Variants in PAX7 observed in about 807,000 individuals in gnomAD.
PAX7 encodes paired box protein Pax-7.
A neutral mutation model predicts 50.7 loss-of-function variants in PAX7; 18 were observed. The ratio of observed to expected loss-of-function variants is 0.36; its 90% CI spans 0.25 to 0.53. The LOEUF (loss-of-function observed/expected upper bound fraction) is 0.53. Among genes scored for constraint, PAX7 ranks in the 20% least tolerant of loss-of-function variants. The probability of loss-of-function intolerance (pLI) is 0.93; values close to 1 mark genes in which losing one functional copy is unlikely to be tolerated. For synonymous variants in PAX7, 310 were observed against 290.4 expected (o/e 1.07, Z -0.69); for missense variants, 644 against 702.9 (o/e 0.92, Z 0.95).
chr1:18,717,155 A>T (rs1023583835), intron 7 of PAX7, among the ~76,000 whole-genome samples: 1 of 152,114 alleles, frequency 6.6e-6, no homozygotes, highest in African/African-American at 2.4e-5. Context: ...TGTCTCCCCG[A>T]GATAAGGACG....
At chr1:18,672,792 G>C (rs969130044) in intron 4 of PAX7, among the ~76,000 whole-genome samples, 4 of 152,036 alleles carry the variant, frequency 2.6e-5, no homozygotes, top group East Asian at 1.9e-4. Flanking sequence ...TTTTGGTAGA[G>C]AGGGGGGTTT....
intron 7 of PAX7, among the ~76,000 whole-genome samples, chr1:18,725,317 C>CTA (rs148441208): frequency 5.1e-5 from 7 of 138,478 alleles, no homozygotes; most frequent in African/African-American, 1.6e-4. Flanking sequence ...CCCCCCGCCC[C>CTA]ACCAACACCG....
At chr1:18,731,380 T>C (rs1388088471) in intron 7 of PAX7, among the ~76,000 whole-genome samples, 2 of 152,138 alleles carry the variant, frequency 1.3e-5, no homozygotes, top group Non-Finnish European at 2.9e-5. Flanking sequence ...GCACAGCTGG[T>C]GGCAGGGAAA....
Position 18,703,140 on chromosome 1 carries a change from C to A in PAX7, c.999C>A (p.Thr333=). Residue 333 remains threonine, a synonymous_variant, in exon 7 of 9, where the codon ACC becomes ACA. Transcript: ENST00000420770. ...GGCCTCAGCCCCTGCCACCGTCCAC[C>A]ATGCACCAGGGCGGGCTGGCTGCAG... The part of the protein sequence containing the change: ...VHRPQPLPPS[T]MHQGGLAAAA... 1 of 1,614,058 alleles carries A rather than the reference C, an allele frequency of 6.2e-7. No individual in the cohort carries two copies. The highest frequency in any genetic ancestry group is 1.1e-5 in the South Asian group (1 of 91,072).
Position 18,634,578 on chromosome 1 carries a change from ATAGTCG to A in PAX7, c.321+41_321+46del, listed in dbSNP as rs762129364. ...CACAGAGGCTGGCAGCTGGCTTCCT[ATAGTCG>A]GGGGCTCCTGGTTGTGGCCCCTCTT... is the stretch of plus-strand genomic sequence containing the variant. On this transcript the variant is annotated intron_variant, in intron 2 of 8. Transcript: ENST00000420770. The surrounding 1 kb of genome is among the most constrained non-coding windows in gnomAD (Gnocchi z 4.0). 29 of 1,570,546 alleles carry A rather than the reference ATAGTCG, an allele frequency of 1.8e-5. No homozygotes were observed. Among genetic ancestry groups the A allele is most frequent in the Admixed American group, 1.2e-4 (7 of 59,564 alleles).
chr1:18,631,928 T>C (rs1446274955), intron 1 of PAX7, among the ~76,000 whole-genome samples: 2 of 152,192 alleles, frequency 1.3e-5, no homozygotes, highest in Non-Finnish European at 2.9e-5. Flanking sequence ...TGCCGGTCTT[T>C]ACCCGCAGGG....
At position 18,700,294 on chromosome 1, in the gene PAX7, C is replaced by T. The variant is rs2100319861; in HGVS notation, c.787-359C>T. Among the ~76,000 whole-genome samples the T allele has an allele frequency of 6.6e-6, 1 of 152,180 alleles. No individual in the cohort carries two copies. The highest frequency in any genetic ancestry group is 1.9e-4 in the East Asian group (1 of 5,178). On this transcript the variant is annotated intron_variant, in intron 5 of 8. Coordinates refer to ENST00000420770, the MANE Select transcript of PAX7 (RefSeq NM_001135254.2). This position sits in a 1 kb window ranked among gnomAD's most constrained non-coding sequence, Gnocchi z 4.8. ...GGTGGTCAAGCAGGGCACCAGCATCCCTCCAGGAAGGAGCAGCTGCAGAGG... is the reference window on the plus strand; with the variant it reads ...GGTGGTCAAGCAGGGCACCAGCATCTCTCCAGGAAGGAGCAGCTGCAGAGG...
intron 7 of PAX7, among the ~76,000 whole-genome samples, chr1:18,707,589 A>AT (rs2089300910): frequency 6.6e-6 from 1 of 151,284 alleles, no homozygotes; most frequent in East Asian, 1.9e-4. Context: ...TGCCCAGCTA[A>AT]TTTTTTTGTA....
chr1:18,744,652 G>C, intron 8 of PAX7, among the ~76,000 whole-genome samples, 162 bp from the exon 9 acceptor site: 1 of 135,670 alleles, frequency 7.4e-6, no homozygotes, highest in African/African-American at 2.8e-5. Context: ...TGGATGAGTA[G>C]ACAGGACGGA....
rs963618618 is a variant in PAX7, at chr1:18,683,933, G to A, written c.587-7821G>A. Among the ~76,000 whole-genome samples the A allele has an allele frequency of 4.6e-5, 7 of 152,202 alleles. No individual in the cohort carries two copies. The East Asian group carries it at 9.6e-4, about 21-fold the overall frequency. On this transcript the variant is annotated intron_variant, in intron 4 of 8. Transcript: ENST00000420770. Reference sequence around the variant, plus strand: ...GATGACAAAACAGAATACATAGCACGTCTGTGATTGTGCTGAGGGAGGGTC... The same window carrying A: ...GATGACAAAACAGAATACATAGCACATCTGTGATTGTGCTGAGGGAGGGTC...
At chr1:18,679,188 A>C (rs1323969859) in intron 4 of PAX7, among the ~76,000 whole-genome samples, 1 of 152,164 alleles carries the variant, frequency 6.6e-6, no homozygotes, top group Non-Finnish European at 1.5e-5. Flanking sequence ...AGTGAGCCCC[A>C]GGTTTAAGTC....
At chr1:18,659,127 A>C (rs989230025) in intron 4 of PAX7, among the ~76,000 whole-genome samples, 1 of 152,154 alleles carries the variant, frequency 6.6e-6, no homozygotes, top group Admixed American at 6.5e-5. Context: ...CTGTGTGTGT[A>C]CTGCAGATTC....
intron 4 of PAX7, among the ~76,000 whole-genome samples, chr1:18,686,369 C>G (rs1267411873): frequency 1.3e-5 from 2 of 152,210 alleles, no homozygotes; most frequent in South Asian, 4.2e-4. Context: ...GACCAGCACC[C>G]CCTGGGACCA....
rs148556680 is a variant in PAX7 at position 18,630,889 on chromosome 1, C to T, written c.-715C>T. On this transcript the variant is annotated 5_prime_UTR_variant, in exon 1 of 9. Transcript: ENST00000420770. ...ACCCAGCTGATCACTCGCGCCCCCTCGCTTTTCCATTTCTCTTTCCCCAAC... is the reference window on the plus strand; with the variant it reads ...ACCCAGCTGATCACTCGCGCCCCCTTGCTTTTCCATTTCTCTTTCCCCAAC... 6.9e-4 allele frequency: 130 copies of T among 189,404 alleles called. No homozygotes were observed. Among genetic ancestry groups the T allele is most frequent in the African/African-American group, 2.8e-3 (120 of 42,906 alleles). The allele number at this position is 189,404 out of a possible 1,614,324, so 11.7% of individuals were successfully genotyped here.
intron 4 of PAX7, among the ~76,000 whole-genome samples, chr1:18,684,211 G>A (rs112486054): frequency 4.7e-4 from 71 of 152,220 alleles, no homozygotes; most frequent in Non-Finnish European, 9.1e-4. Context: ...GCGGATGCCA[G>A]GACAGGTTCC....
In PAX7 at chr1:18,716,959, T is replaced by A. The variant is rs373240238; in HGVS notation, c.1155+13663T>A. 1.7e-4 allele frequency among the ~76,000 whole-genome samples: 20 copies of A among 117,510 alleles called. No individual in the cohort carries two copies. In the East Asian group the frequency reaches 3.4e-3, roughly 20 times the overall value. The allele number at this position is 117,510 out of a possible 152,430, so 77.1% of individuals were successfully genotyped here. On this transcript the variant is annotated intron_variant, in intron 7 of 8. Coordinates refer to ENST00000420770, the MANE Select transcript of PAX7 (RefSeq NM_001135254.2). ...GCTCCCGAGGCCGGGCGGACCCAAG[T>A]CCAGGGCGGGGGTTGGGGCGGCGGC...
At chr1:18,737,132 G>A (rs960862964) in intron 8 of PAX7, among the ~76,000 whole-genome samples, 1 of 152,272 alleles carries the variant, frequency 6.6e-6, no homozygotes, top group Non-Finnish European at 1.5e-5. Context: ...AAGGCCAGCA[G>A]CAGGGCAGGT....
At position 18,745,249 on chromosome 1, in the gene PAX7, C is replaced by A. The variant is rs190401960; in HGVS notation, c.*320C>A. The A allele has an allele frequency of 1.3e-5, 5 of 399,162 alleles. No individual in the cohort carries two copies. The highest frequency in any genetic ancestry group is 1.2e-4 in the Admixed American group (3 of 24,078). 24.7% of individuals were successfully genotyped at this position (399,162 alleles called of 1,614,324 possible). A position where few individuals can be genotyped will look rare whatever the true frequency, so the allele number is the denominator to read the frequency against. Reference sequence around the variant, plus strand: ...TGGAGATTGGGGCCCACCTTGAACACCTTGGGTGTCCAGAGGAGGATGGTG... The same window carrying A: ...TGGAGATTGGGGCCCACCTTGAACAACTTGGGTGTCCAGAGGAGGATGGTG... On this transcript the variant is annotated 3_prime_UTR_variant, in exon 9 of 9. Coordinates refer to ENST00000420770, the MANE Select transcript of PAX7 (RefSeq NM_001135254.2).
intron 8 of PAX7, among the ~76,000 whole-genome samples, chr1:18,737,694 A>T (rs1377779208): frequency 2.6e-5 from 4 of 152,266 alleles, no homozygotes; most frequent in Non-Finnish European, 5.9e-5. Flanking sequence ...TGCATACATG[A>T]TGTGCACATC....
Sources: gnomAD v4.1 joint callset for allele counts (sites outside exome capture counted in the v4.1 genomes callset) on GRCh38, gnomAD v4.1.1 for gene constraint, Gnocchi (gnomAD v3.1) non-coding constraint, MANE v1.5 for transcripts, NCBI Gene and HGNC (gene_info 2026-07-23, HGNC 2026-07-21) for gene names.